The following UNC13B variants were observed in gnomAD, a reference collection of about 807,000 sequenced individuals.
The protein encoded by UNC13B is protein unc-13 homolog B.
In UNC13B, 144 loss-of-function variants were observed where a neutral mutation model predicts 211.0. The observed-to-expected ratio is 0.68, with a 90% CI of 0.60 to 0.78. UNC13B has a LOEUF of 0.78. Among genes scored for constraint, UNC13B ranks in the 30% least tolerant of loss-of-function variants. The probability of loss-of-function intolerance (pLI) is 0.00; values close to 1 mark genes in which losing one functional copy is unlikely to be tolerated. For synonymous variants in UNC13B, 709 were observed against 725.8 expected (o/e 0.98, Z 0.37); for missense variants, 1,777 against 2,002.0 (o/e 0.89, Z 2.14).
At chr9:35,322,163 T>C (rs1440062571) in intron 11 of UNC13B, among the ~76,000 whole-genome samples, 1 of 152,242 alleles carries the variant, frequency 6.6e-6, no homozygotes, top group Non-Finnish European at 1.5e-5. Flanking sequence ...TCTTCTGGGC[T>C]GGCTGAGTAC....
intron 7 of UNC13B, among the ~76,000 whole-genome samples, chr9:35,292,022 A>G (rs965457640): frequency 2.6e-5 from 4 of 152,234 alleles, no homozygotes; most frequent in African/African-American, 9.6e-5. Flanking sequence ...GACCTCAAGC[A>G]TAAATTGCAA....
At chr9:35,324,635 AT>A (rs971533384) in intron 11 of UNC13B, among the ~76,000 whole-genome samples, 1 of 152,146 alleles carries the variant, frequency 6.6e-6, no homozygotes, top group Non-Finnish European at 1.5e-5. Context: ...TCTTTGCAGT[AT>A]TTGACACTTC....
intron 6 of UNC13B, among the ~76,000 whole-genome samples, chr9:35,247,587 C>G (rs937220305): frequency 1.3e-5 from 2 of 152,092 alleles, no homozygotes; most frequent in Non-Finnish European, 2.9e-5. Context: ...TTGTCAAAGA[C>G]CTTTTCTGCA....
At chr9:35,313,834 C>A in intron 10 of UNC13B, 65 bp from the exon 11 acceptor site, 2 of 1,298,268 alleles carry the variant, frequency 1.5e-6, no homozygotes, top group Non-Finnish European at 2.2e-6. Context: ...GGCAGTCTTG[C>A]CTTGAGCAGT....
intron 37 of UNC13B, among the ~76,000 whole-genome samples, chr9:35,401,272 G>C (rs1341214079): frequency 1.3e-5 from 2 of 152,190 alleles, no homozygotes; most frequent in Non-Finnish European, 2.9e-5. Flanking sequence ...CTGACCTAGA[G>C]GGGAGAGGGC....
At chr9:35,282,026 C>G (rs1198304595) in intron 7 of UNC13B, among the ~76,000 whole-genome samples, 1 of 152,096 alleles carries the variant, frequency 6.6e-6, no homozygotes, top group African/African-American at 2.4e-5. Context: ...TATATTTTAT[C>G]TTGAAGGCAA....
chr9:35,227,960 T>TA, intron 1 of UNC13B, 55 bp from the exon 2 acceptor site: 2 of 1,530,876 alleles, frequency 1.3e-6, no homozygotes, highest in African/African-American at 2.7e-5. Context: ...AAATGTTGCT[T>TA]AAGTAAAATG....
chr9:35,380,269 T>C (rs928294794), intron 17 of UNC13B, among the ~76,000 whole-genome samples: 9 of 152,212 alleles, frequency 5.9e-5, no homozygotes, highest in Non-Finnish European at 1.3e-4. Flanking sequence ...CAGTGGTAGA[T>C]AGAGCCACCC....
Position 35,301,696 on chromosome 9 carries a change from A to G in UNC13B, c.2292A>G (p.Pro764=). The part of the protein sequence containing the change: ...EKLCIDLSLL[P]DQQKICAKDT... ...TCTGTATAGATCTGTCTCTTTTACC[A>G]GATCAACAAAAAATATGTGCCAAAG... The change falls in exon 9 of 40, where the codon CCA becomes CCG. Residue 764 remains proline (P), a synonymous_variant. Transcript: ENST00000635942. The G allele has an allele frequency of 2.5e-6, 1 of 398,914 alleles. No homozygotes were observed. Among genetic ancestry groups the G allele is most frequent in the South Asian group, 1.3e-4 (1 of 7,856 alleles). 24.7% of individuals were successfully genotyped at this position (398,914 alleles called of 1,614,324 possible).
intron 7 of UNC13B, among the ~76,000 whole-genome samples, chr9:35,285,747 A>G (rs1035101303): frequency 2.6e-5 from 4 of 152,240 alleles, no homozygotes; most frequent in African/African-American, 9.6e-5. Context: ...GTAATAATTC[A>G]GAATAATTCT....
intron 1 of UNC13B, among the ~76,000 whole-genome samples, chr9:35,167,754 ATT>A (rs765603183): frequency 0.032 from 3,650 of 115,626 alleles, 183 homozygotes; most frequent in East Asian, 0.28. Flanking sequence ...TGCCTGGCTA[ATT>A]TTTTTTTTTT....
chr9:35,240,819 G>A (rs1469981469), intron 5 of UNC13B, among the ~76,000 whole-genome samples: 1 of 151,994 alleles, frequency 6.6e-6, no homozygotes, highest in Non-Finnish European at 1.5e-5. Flanking sequence ...ATTTTGGGAG[G>A]CTGAGGTGGG....
At chr9:35,370,241 A>G (rs1834028478) in intron 12 of UNC13B, 77 bp from the exon 13 acceptor site, 1 of 1,238,970 alleles carries the variant, frequency 8.1e-7, no homozygotes, top group African/African-American at 1.5e-5. Flanking sequence ...AGGGAGAGCA[A>G]GGTGAATGGA....
chr9:35,363,689 A>T (rs779864949), intron 11 of UNC13B, among the ~76,000 whole-genome samples: 40 of 152,314 alleles, frequency 2.6e-4, no homozygotes, highest in Non-Finnish European at 4.0e-4. Context: ...TTCCTTACAG[A>T]AGGAAGCCTG....
chr9:35,386,294 G>A lies in UNC13B; in HGVS notation c.11094+1G>A. The A allele has an allele frequency of 6.2e-7, 1 of 1,614,092 alleles. No individual in the cohort carries two copies. Among genetic ancestry groups the A allele is most frequent in the Non-Finnish European group, 8.5e-7 (1 of 1,179,986 alleles). On this transcript the variant is annotated splice_donor_variant, in intron 24 of 39. Transcript: ENST00000635942. LOFTEE classifies it high-confidence loss of function. ...CTTATACAGCCGCCAGTACCAGCTG[G>A]TAAGAGGTTCAGGATCAGGTGGGGC... is the stretch of plus-strand genomic sequence containing the variant.
chr9:35,236,714 A>G (rs1825534550), intron 4 of UNC13B, 128 bp downstream of exon 4: 5 of 838,374 alleles, frequency 6.0e-6, no homozygotes, highest in East Asian at 2.5e-5. Context: ...ATTAGAGGGC[A>G]TGCAACCTGC....
chr9:35,268,550 C>T (rs760847804), intron 7 of UNC13B, among the ~76,000 whole-genome samples: 1 of 152,098 alleles, frequency 6.6e-6, no homozygotes, highest in South Asian at 2.1e-4. Flanking sequence ...ACCCGTGAGA[C>T]GGAGGTTGCG....
At chr9:35,254,862 T>A (rs1826727404) in intron 6 of UNC13B, among the ~76,000 whole-genome samples, 1 of 137,590 alleles carries the variant, frequency 7.3e-6, no homozygotes, top group Non-Finnish European at 1.5e-5. Flanking sequence ...AGTGTTGAAT[T>A]GTTTATACAT....
chr9:35,346,868 T>C (rs1587668202), intron 11 of UNC13B, among the ~76,000 whole-genome samples: 1 of 152,152 alleles, frequency 6.6e-6, no homozygotes, highest in Non-Finnish European at 1.5e-5. Context: ...CTCGTTTTGC[T>C]GGGCCTCTCA....
Sources: allele counts gnomAD v4.1 joint callset (sites outside exome capture counted in the v4.1 genomes callset), GRCh38; gene constraint gnomAD v4.1.1; transcripts MANE v1.5; gene names NCBI Gene and HGNC (gene_info 2026-07-23, HGNC 2026-07-21).